Variants in PRKN observed in about 807,000 individuals in gnomAD.
The protein encoded by PRKN is parkin RBR E3 ubiquitin protein ligase.
A neutral mutation model predicts 59.5 loss-of-function variants in PRKN; 56 were observed. That is an observed-to-expected ratio of 0.94 (90% CI 0.76 to 1.18). The LOEUF is 1.18. PRKN is among the 50% of genes most tolerant of loss of function. The probability of loss-of-function intolerance (pLI) is 0.00; values close to 1 mark genes in which losing one functional copy is unlikely to be tolerated. For missense variants in PRKN, 657 were observed against 596.4 expected, an observed-to-expected ratio of 1.10 and a Z score of -1.06; for synonymous variants, 250 against 222.1, an observed-to-expected ratio of 1.13 and a Z score of -1.12.
At chr6:162,499,892 A>G (rs1436406008) in intron 1 of PRKN, among the ~76,000 whole-genome samples, 1 of 152,182 alleles carries the variant, frequency 6.6e-6, no homozygotes, top group Non-Finnish European at 1.5e-5. Context: ...CTAGGTTTTA[A>G]TAAAAAGAAA....
At chr6:162,698,039 G>A (rs2803082) in intron 1 of PRKN, among the ~76,000 whole-genome samples, 5,290 of 152,124 alleles carry the variant, frequency 0.035, 126 homozygotes, top group Non-Finnish European at 0.053. Context: ...GACTCCTTGG[G>A]GACTTAACAT....
intron 1 of PRKN, among the ~76,000 whole-genome samples, chr6:162,705,942 A>G (rs1778323367): frequency 6.6e-6 from 1 of 152,152 alleles, no homozygotes; most frequent in Non-Finnish European, 1.5e-5. Context: ...TTATTCAGAG[A>G]GCAGGTAGAG....
intron 2 of PRKN, among the ~76,000 whole-genome samples, chr6:162,274,688 T>C (rs1780541789): frequency 6.6e-6 from 1 of 152,156 alleles, no homozygotes; most frequent in Non-Finnish European, 1.5e-5. Flanking sequence ...TGAAGAAAAA[T>C]GGGTTAATCC....
chr6:162,453,247 A>G (rs1312591706), intron 1 of PRKN, among the ~76,000 whole-genome samples: 1 of 152,204 alleles, frequency 6.6e-6, no homozygotes, highest in African/African-American at 2.4e-5. Flanking sequence ...TGATGAGGAC[A>G]TCGCGCATAG....
chr6:162,082,255 C>T lies in PRKN; in HGVS notation c.535-28081G>A, dbSNP rs144022034. On this transcript the variant is annotated intron_variant, in intron 4 of 11. Transcript: ENST00000366898. ...ACTTTCCCTGCACAAGCTCTCTTCTCGTCGGGCACCATGTGAGATGTGCCT... is the reference window on the plus strand; with the variant it reads ...ACTTTCCCTGCACAAGCTCTCTTCTTGTCGGGCACCATGTGAGATGTGCCT... Among the ~76,000 whole-genome samples, 47 of 152,164 alleles carry T rather than the reference C, an allele frequency of 3.1e-4. No individual in the cohort carries two copies. In the East Asian group the frequency reaches 7.9e-3, roughly 26 times the overall value.
At chr6:162,209,153 C>T (rs576248947) in intron 3 of PRKN, among the ~76,000 whole-genome samples, 45 of 152,220 alleles carry the variant, frequency 3.0e-4, no homozygotes, top group Admixed American at 2.0e-3. Context: ...TCAGAGTGAA[C>T]AGACAACCTA....
chr6:161,487,037 T>C lies in PRKN; in HGVS notation c.1083+61817A>G, dbSNP rs1791682815. 6.6e-6 allele frequency among the ~76,000 whole-genome samples: 1 copy of C among 151,978 alleles called. No homozygotes were observed. The highest frequency in any genetic ancestry group is 1.9e-4 in the East Asian group (1 of 5,174). On this transcript the variant is annotated intron_variant, in intron 9 of 11. Coordinates refer to ENST00000366898, the MANE Select transcript of PRKN (RefSeq NM_004562.3). The surrounding 1 kb of genome is among the most constrained non-coding windows in gnomAD (Gnocchi z 5.3). ...CGTCTTCATGGAGGTTAGGGGCAAG[T>C]GAGTTTAGTGAATAGGTGCCACGGA...
rs539976267 is a variant in PRKN at position 162,044,373 on chromosome 6, C to T, written c.618+9718G>A. ...TCCCAGGTGCTTCCCAGAGCAGTTC[C>T]CTGCTGCCACGGGGCTCCTGCAGGA... On this transcript the variant is annotated intron_variant, in intron 5 of 11. Transcript: ENST00000366898. Among the ~76,000 whole-genome samples, 24 of 152,316 alleles carry T rather than the reference C, an allele frequency of 1.6e-4. No individual in the cohort carries two copies. In the East Asian group the frequency reaches 4.2e-3, roughly 27 times the overall value.
intron 6 of PRKN, among the ~76,000 whole-genome samples, chr6:161,913,531 GAAATA>G (rs996819810): frequency 2.0e-5 from 3 of 152,114 alleles, no homozygotes; most frequent in African/African-American, 7.2e-5. Context: ...TAAATTAAGT[GAAATA>G]AAATAAAATA....
chr6:161,738,850 T>C (rs16892983), intron 7 of PRKN, among the ~76,000 whole-genome samples: 4,349 of 152,220 alleles, frequency 0.029, 221 homozygotes, highest in African/African-American at 0.1. Flanking sequence ...TGCCTGAGGT[T>C]CATCCTGCTG....
intron 5 of PRKN, among the ~76,000 whole-genome samples, chr6:161,977,840 C>T (rs983184281): frequency 2.0e-5 from 3 of 151,772 alleles, no homozygotes; most frequent in Admixed American, 6.6e-5. Flanking sequence ...TGAGCCACCA[C>T]GCCCGGCCCT....
At chr6:162,226,219 G>C (rs900543954) in intron 3 of PRKN, among the ~76,000 whole-genome samples, 5 of 151,954 alleles carry the variant, frequency 3.3e-5, no homozygotes, top group African/African-American at 1.2e-4. Context: ...TAAGAATCAG[G>C]GCTATGCGCT....
chr6:162,313,986 C>CA, intron 2 of PRKN, among the ~76,000 whole-genome samples: 1 of 152,092 alleles, frequency 6.6e-6, no homozygotes, highest in African/African-American at 2.4e-5. Flanking sequence ...TTGTTAGGCA[C>CA]AACTGACAAA....
At chr6:161,541,618 C>T (rs941582234) in intron 9 of PRKN, among the ~76,000 whole-genome samples, 1 of 152,038 alleles carries the variant, frequency 6.6e-6, no homozygotes, top group African/African-American at 2.4e-5. Context: ...GTCAGGAGTT[C>T]GAGACCAGCC....
intron 2 of PRKN, among the ~76,000 whole-genome samples, chr6:162,311,329 C>G (rs1782506758): frequency 6.6e-6 from 1 of 152,108 alleles, no homozygotes; most frequent in Non-Finnish European, 1.5e-5. Flanking sequence ...ACAATGACTT[C>G]ACTGATCTGG....
intron 10 of PRKN, among the ~76,000 whole-genome samples, chr6:161,380,314 T>A (rs2114925866): frequency 1.3e-5 from 2 of 152,148 alleles, no homozygotes; most frequent in Admixed American, 1.3e-4. Context: ...TCCTGAACAC[T>A]CTCTCGTGCC....
At chr6:161,819,962 A>G (rs781621697) in intron 6 of PRKN, among the ~76,000 whole-genome samples, 17 of 152,190 alleles carry the variant, frequency 1.1e-4, no homozygotes, top group Non-Finnish European at 2.2e-4. Flanking sequence ...TAAAAATATT[A>G]GTAATAAGTA....
At chr6:162,585,403 G>T (rs56123434) in intron 1 of PRKN, among the ~76,000 whole-genome samples, 1 of 152,082 alleles carries the variant, frequency 6.6e-6, no homozygotes, top group Non-Finnish European at 1.5e-5. Context: ...GCTGCATTTA[G>T]TTCTTCTAAC....
At chr6:161,683,022 T>A (rs1295535107) in intron 7 of PRKN, among the ~76,000 whole-genome samples, 1 of 152,178 alleles carries the variant, frequency 6.6e-6, no homozygotes, top group Non-Finnish European at 1.5e-5. Flanking sequence ...ATTTTTCTTT[T>A]ATCCTAAAAG....
Sources: gnomAD v4.1 joint callset for allele counts (sites outside exome capture counted in the v4.1 genomes callset) on GRCh38, gnomAD v4.1.1 for gene constraint, Gnocchi (gnomAD v3.1) non-coding constraint, MANE v1.5 for transcripts, NCBI Gene and HGNC (gene_info 2026-07-23, HGNC 2026-07-21) for gene names.